The following ADAM29 variants were observed in gnomAD, a reference collection of about 807,000 sequenced individuals.
ADAM29 encodes the protein disintegrin and metalloproteinase domain-containing protein 29.
For missense variants in ADAM29, 969 were observed against 1,001.8 expected, an observed-to-expected ratio of 0.97 and a Z score of 0.44; for synonymous variants, 367 against 342.3, an observed-to-expected ratio of 1.07 and a Z score of -0.80.
chr4:174,938,236 C>A (rs1744312471), intron 4 of ADAM29, among the ~76,000 whole-genome samples: 2 of 151,886 alleles, frequency 1.3e-5, no homozygotes, highest in Non-Finnish European at 1.5e-5. Context: ...TGGGGCGGGG[C>A]AAGAAGTCTA....
chr4:174,929,975 C>A (rs35534748), intron 2 of ADAM29, among the ~76,000 whole-genome samples: 54,159 of 151,688 alleles, frequency 0.36, 9,764 homozygotes, highest in Middle Eastern at 0.4. Context: ...GTCGCCCAGG[C>A]TGGAGTGCAG....
chr4:174,954,496 C>T (rs115128453), intron 4 of ADAM29, among the ~76,000 whole-genome samples: 3,348 of 152,162 alleles, frequency 0.022, 134 homozygotes, highest in African/African-American at 0.075. Context: ...AAATGACCAC[C>T]GAATCTGTTT....
At chr4:174,939,549 A>G (rs1329659166) in intron 4 of ADAM29, among the ~76,000 whole-genome samples, 3 of 152,192 alleles carry the variant, frequency 2.0e-5, no homozygotes, top group African/African-American at 4.8e-5. Context: ...AAAATATTTT[A>G]TCACATACCT....
In ADAM29 at chr4:174,946,285, T is replaced by G. The variant is rs1053685085; in HGVS notation, c.-181+9272T>G. 2.6e-5 allele frequency among the ~76,000 whole-genome samples: 4 copies of G among 152,168 alleles called. No individual in the cohort carries two copies. The East Asian group carries it at 7.7e-4, about 29-fold the overall frequency. ...TTATGAATGGGATTATGTTCTTGAT[T>G]TGGCTCTCAGCTAGGACATTGTTGT... On this transcript the variant is annotated intron_variant, in intron 4 of 4. Transcript: ENST00000359240.
intron 4 of ADAM29, among the ~76,000 whole-genome samples, chr4:174,956,526 AAAAAG>A (rs1745513726): frequency 6.6e-6 from 1 of 151,134 alleles, no homozygotes; most frequent in African/African-American, 2.4e-5. Flanking sequence ...GAGAGAGAAA[AAAAAG>A]AGAGAGAATA....
At chr4:174,970,244 A>G (rs1196043479) in intron 4 of ADAM29, among the ~76,000 whole-genome samples, 1 of 152,130 alleles carries the variant, frequency 6.6e-6, no homozygotes, top group Non-Finnish European at 1.5e-5. Context: ...ACCGACAAAG[A>G]TTCCAATTTA....
intron 2 of ADAM29, among the ~76,000 whole-genome samples, chr4:174,926,891 T>C (rs1477456993): frequency 6.6e-6 from 1 of 151,716 alleles, no homozygotes; most frequent in Admixed American, 6.6e-5. Context: ...TGACTTGCAT[T>C]TGGCATATAT....
At chr4:174,925,923 T>C (rs1285191984) in intron 2 of ADAM29, among the ~76,000 whole-genome samples, 2 of 152,200 alleles carry the variant, frequency 1.3e-5, no homozygotes, top group African/African-American at 4.8e-5. Flanking sequence ...GCTTCTGATA[T>C]GGGATCACAC....
intron 4 of ADAM29, among the ~76,000 whole-genome samples, chr4:174,959,744 G>A (rs973277479): frequency 2.0e-5 from 3 of 151,498 alleles, no homozygotes; most frequent in East Asian, 1.9e-4. Context: ...CGCTAGCTTC[G>A]TTTATTATTT....
intron 4 of ADAM29, among the ~76,000 whole-genome samples, chr4:174,940,800 A>G (rs944450529): frequency 1.3e-5 from 2 of 152,154 alleles, no homozygotes; most frequent in African/African-American, 4.8e-5. Context: ...CATTTATCCA[A>G]GTAAAGCCAA....
chr4:174,964,438 G>A (rs1021707031), intron 4 of ADAM29, among the ~76,000 whole-genome samples: 4 of 152,046 alleles, frequency 2.6e-5, no homozygotes, highest in Admixed American at 2.6e-4. Flanking sequence ...CTCAGTCTGT[G>A]ATACTATACT....
chr4:174,967,758 T>G (rs1746233820), intron 4 of ADAM29, among the ~76,000 whole-genome samples: 1 of 152,192 alleles, frequency 6.6e-6, no homozygotes, highest in African/African-American at 2.4e-5. Context: ...ATGAAACCGC[T>G]TGGACTCATT....
chr4:174,966,354 A>G (rs1432062588), intron 4 of ADAM29, among the ~76,000 whole-genome samples: 1 of 152,204 alleles, frequency 6.6e-6, no homozygotes, highest in East Asian at 1.9e-4. Flanking sequence ...GAAGTCTAAA[A>G]TTCAAAGCTT....
At chr4:174,959,002 ATAAC>A (rs775820873) in intron 4 of ADAM29, among the ~76,000 whole-genome samples, 16 of 151,806 alleles carry the variant, frequency 1.1e-4, no homozygotes, top group South Asian at 2.1e-4. Context: ...ATTGCTTTAG[ATAAC>A]TAACTGTTAG....
chr4:174,966,016 C>T (rs1746139192), intron 4 of ADAM29, among the ~76,000 whole-genome samples: 1 of 152,174 alleles, frequency 6.6e-6, no homozygotes, highest in African/African-American at 2.4e-5. Flanking sequence ...TACCAAAACC[C>T]AGATGTTCAA....
chr4:174,951,068 C>T (rs1745148699), intron 4 of ADAM29, among the ~76,000 whole-genome samples: 1 of 152,112 alleles, frequency 6.6e-6, no homozygotes, highest in African/African-American at 2.4e-5. Flanking sequence ...TCAGGTAGTT[C>T]TTTATAGTAG....
intron 4 of ADAM29, among the ~76,000 whole-genome samples, chr4:174,967,258 A>G (rs895183929): frequency 3.9e-5 from 6 of 152,194 alleles, no homozygotes; most frequent in Non-Finnish European, 7.3e-5. Context: ...AATTAAATGT[A>G]TATGTAAACT....
intron 4 of ADAM29, among the ~76,000 whole-genome samples, chr4:174,956,042 A>G (rs1392440616): frequency 6.6e-6 from 1 of 152,032 alleles, no homozygotes; most frequent in Non-Finnish European, 1.5e-5. Flanking sequence ...CGAGGTCTTA[A>G]GACACATAAT....
chr4:174,964,570 G>C (rs1057299481), intron 4 of ADAM29, among the ~76,000 whole-genome samples: 1 of 151,930 alleles, frequency 6.6e-6, no homozygotes, highest in Non-Finnish European at 1.5e-5. Flanking sequence ...CAGATTCTTA[G>C]GAGACCATAA....
Sources: allele counts gnomAD v4.1 joint callset (sites outside exome capture counted in the v4.1 genomes callset), GRCh38; gene constraint gnomAD v4.1.1; transcripts MANE v1.5; gene names NCBI Gene and HGNC (gene_info 2026-07-23, HGNC 2026-07-21).